Variants in AKT3 observed in about 807,000 individuals in gnomAD.
AKT3 encodes AKT serine/threonine kinase 3, also known as RAC-gamma serine/threonine-protein kinase.
AKT3 carries 15 observed loss-of-function variants against 65.3 expected under a neutral mutation model. The observed-to-expected ratio is 0.23, with a 90% CI of 0.15 to 0.35. The LOEUF is 0.35. Ranked by LOEUF, AKT3 falls within the 10% of genes least tolerant of loss-of-function variation. The probability of loss-of-function intolerance (pLI) is 1.00; values close to 1 mark genes in which losing one functional copy is unlikely to be tolerated. For missense variants in AKT3, 243 were observed against 576.5 expected (o/e 0.42, Z 5.92); for synonymous variants, 206 against 183.8 (o/e 1.12, Z -0.98).
chr1:243,658,352 A>C (rs1051190924), intron 4 of AKT3, among the ~76,000 whole-genome samples: 1 of 152,202 alleles, frequency 6.6e-6, no homozygotes, highest in East Asian at 1.9e-4. Context: ...TATTTGAAAA[A>C]TGCTTAGCAT....
chr1:243,689,603 T>C (rs1041940961), intron 3 of AKT3, among the ~76,000 whole-genome samples: 1 of 151,688 alleles, frequency 6.6e-6, no homozygotes, highest in Admixed American at 6.6e-5. Flanking sequence ...TGTTTGTTAG[T>C]AGGTTTAAGT....
At chr1:243,730,681 C>G (rs895449309) in intron 2 of AKT3, among the ~76,000 whole-genome samples, 1 of 152,212 alleles carries the variant, frequency 6.6e-6, no homozygotes, top group Admixed American at 6.5e-5. Flanking sequence ...ACTGAACAAG[C>G]TGAAACCTGC....
At chr1:243,601,212 G>A (rs1285986024) in intron 8 of AKT3, among the ~76,000 whole-genome samples, 1 of 151,884 alleles carries the variant, frequency 6.6e-6, no homozygotes, top group Non-Finnish European at 1.5e-5. Context: ...ATATGATAAA[G>A]CCCTTACATG....
At position 243,590,966 on chromosome 1, in the gene AKT3, A is replaced by C. The variant is rs116707977; in HGVS notation, c.697-17918T>G. ...TTACTCCAGCTGGATACCTAGAAAC[A>C]ATGTCCAGGCTGTAACACAGGGAGA... On this transcript the variant is annotated intron_variant, in intron 8 of 13. Transcript: ENST00000673466. 4.7e-3 allele frequency among the ~76,000 whole-genome samples: 719 copies of C among 152,294 alleles called. 5 individuals carry two copies. Among genetic ancestry groups the C allele is most frequent in the African/African-American group, 0.017 (694 of 41,570 alleles).
chr1:243,662,819 G>A (rs1343484532), intron 4 of AKT3, among the ~76,000 whole-genome samples: 1 of 152,092 alleles, frequency 6.6e-6, no homozygotes, highest in Non-Finnish European at 1.5e-5. Flanking sequence ...GCAAATATGA[G>A]TATGCTGTTT....
rs182785210 is a variant in AKT3, at chr1:243,504,623, T to A, written c.*626A>T. The A allele has an allele frequency of 0.013, 2,217 of 164,742 alleles. 18 individuals carry two copies. The highest frequency in any genetic ancestry group is 0.019 in the Non-Finnish European group (1,448 of 77,268). The allele number at this position is 164,742 out of a possible 1,614,324, so 10.2% of individuals were successfully genotyped here. A position where few individuals can be genotyped will look rare whatever the true frequency, so the allele number is the denominator to read the frequency against. On this transcript the variant is annotated 3_prime_UTR_variant, in exon 14 of 14. Coordinates refer to ENST00000673466, the MANE Select transcript of AKT3 (RefSeq NM_005465.7). The stretch of plus-strand genomic sequence containing the variant: ...TCTTCTACAGTATCCACCAGGAATT[T>A]AAAAAAAAAAAATTATATATATATA...
chr1:243,846,939 AGTGCCTG>A (rs1176158045), intron 1 of AKT3, among the ~76,000 whole-genome samples: 2 of 152,236 alleles, frequency 1.3e-5, no homozygotes, highest in Admixed American at 1.3e-4. Context: ...CACATAGAAC[AGTGCCTG>A]GCACATGGCA....
intron 6 of AKT3, among the ~76,000 whole-genome samples, chr1:243,626,496 G>A (rs1219590751): frequency 6.6e-6 from 1 of 152,152 alleles, no homozygotes; most frequent in Admixed American, 6.5e-5. Flanking sequence ...TGACAATGAA[G>A]AACCTCAGTT....
intron 4 of AKT3, among the ~76,000 whole-genome samples, chr1:243,655,320 A>T (rs2147880967): frequency 6.6e-6 from 1 of 152,246 alleles, no homozygotes; most frequent in South Asian, 2.1e-4. Flanking sequence ...TACAAATGAA[A>T]GCTATTATCC....
At chr1:243,538,406 A>C (rs1672075988) in intron 12 of AKT3, among the ~76,000 whole-genome samples, 1 of 150,494 alleles carries the variant, frequency 6.6e-6, no homozygotes, top group East Asian at 1.9e-4. Context: ...AAAAAAAAAC[A>C]AACAGCAAGA....
At chr1:243,572,733 C>CACACAT (rs1674655009) in intron 9 of AKT3, among the ~76,000 whole-genome samples, 193 bp downstream of exon 9, 1 of 152,144 alleles carries the variant, frequency 6.6e-6, no homozygotes, top group Non-Finnish European at 1.5e-5. Flanking sequence ...ATCAAAAACT[C>CACACAT]ACACATAAAT....
intron 3 of AKT3, among the ~76,000 whole-genome samples, chr1:243,672,359 T>C (rs1036258638): frequency 6.6e-6 from 1 of 152,202 alleles, no homozygotes; most frequent in Non-Finnish European, 1.5e-5. Flanking sequence ...CAATTACTAA[T>C]AATGGAAAAG....
chr1:243,850,973 C>T (rs952764460), upstream of AKT3: 2 of 152,166 alleles, frequency 1.3e-5, no homozygotes, highest in Admixed American at 1.3e-4. Flanking sequence ...CGGACGCGCG[C>T]GCCGCCAGGC....
At chr1:243,715,874 T>A (rs1397108745) in intron 2 of AKT3, among the ~76,000 whole-genome samples, 1 of 152,080 alleles carries the variant, frequency 6.6e-6, no homozygotes, top group African/African-American at 2.4e-5. Context: ...CTCCATTTAG[T>A]GATAATACTT....
chr1:243,695,528 C>A, intron 3 of AKT3, 63 bp downstream of exon 3: 9 of 1,445,488 alleles, frequency 6.2e-6, no homozygotes, highest in Non-Finnish European at 8.4e-6. Context: ...CCTAAGATAT[C>A]TGACACATAA....
At chr1:243,730,788 G>A (rs1687510625) in intron 2 of AKT3, among the ~76,000 whole-genome samples, 2 of 152,162 alleles carry the variant, frequency 1.3e-5, no homozygotes, top group African/African-American at 2.4e-5. Flanking sequence ...AAGTTTTTAG[G>A]TGCCACCGCA....
Position 243,502,711 on chromosome 1 carries a change from T to C in AKT3, c.*2538A>G, listed in dbSNP as rs897751198. On this transcript the variant is annotated 3_prime_UTR_variant, in exon 14 of 14. Transcript: ENST00000673466. ...TCAAAATCAAAGCCAAGAAGACACC[T>C]TGTGTGACACCAATGGAGTCTCAGA... 2 of 233,112 alleles carry C rather than the reference T, an allele frequency of 8.6e-6. No individual in the cohort carries two copies. The allele number at this position is 233,112 out of a possible 1,614,324, so 14.4% of individuals were successfully genotyped here. A position where few individuals can be genotyped will look rare whatever the true frequency, so the allele number is the denominator to read the frequency against.
At chr1:243,686,816 A>C (rs1684359748) in intron 3 of AKT3, among the ~76,000 whole-genome samples, 1 of 150,070 alleles carries the variant, frequency 6.7e-6, no homozygotes, top group African/African-American at 2.4e-5. Flanking sequence ...GGTGTGCCCC[A>C]CCAAGCCCAG....
At chr1:243,523,260 AACACACACACACACACACAC>A (rs547403507) in intron 12 of AKT3, among the ~76,000 whole-genome samples, 32 of 126,510 alleles carry the variant, frequency 2.5e-4, no homozygotes, top group Middle Eastern at 3.7e-3. Context: ...AAAAAGGACG[AACACACACACACACACACAC>A]ACACACACAC....
Sources: allele counts gnomAD v4.1 joint callset (sites outside exome capture counted in the v4.1 genomes callset), GRCh38; gene constraint gnomAD v4.1.1; transcripts MANE v1.5; gene names NCBI Gene and HGNC (gene_info 2026-07-23, HGNC 2026-07-21).